The following ACBD6 variants were observed in gnomAD, a reference collection of about 807,000 sequenced individuals.
The protein encoded by ACBD6 is acyl-CoA binding domain containing 6, also known as acyl-CoA-binding domain-containing protein 6.
ACBD6 carries 28 observed loss-of-function variants against 37.2 expected under a neutral mutation model. That is an observed-to-expected ratio of 0.75 (90% CI 0.56 to 1.03). The LOEUF (loss-of-function observed/expected upper bound fraction) is 1.03, where lower values mean the gene tolerates loss of function less well. Ranked by LOEUF, ACBD6 falls within the 50% of genes least tolerant of loss-of-function variation. The pLI, the probability that ACBD6 is intolerant of heterozygous loss-of-function variation, is 0.00. For synonymous variants in ACBD6, 113 were observed against 126.8 expected, an observed-to-expected ratio of 0.89 and a Z score of 0.73; for missense variants, 340 against 337.4, an observed-to-expected ratio of 1.01 and a Z score of -0.06.
At chr1:180,404,259 G>C (rs1280348596) in intron 5 of ACBD6, among the ~76,000 whole-genome samples, 2 of 151,984 alleles carry the variant, frequency 1.3e-5, no homozygotes, top group African/African-American at 4.8e-5. Context: ...TTGGTACAGA[G>C]TTTCAATTGG....
At chr1:180,339,631 T>A (rs1651897000) in intron 6 of ACBD6, among the ~76,000 whole-genome samples, 2 of 151,970 alleles carry the variant, frequency 1.3e-5, no homozygotes, top group Admixed American at 1.3e-4. Flanking sequence ...TGTATATATA[T>A]GTGACAAACC....
chr1:180,405,160 A>C (rs1013995824), intron 5 of ACBD6, among the ~76,000 whole-genome samples: 1 of 152,100 alleles, frequency 6.6e-6, no homozygotes, highest in Non-Finnish European at 1.5e-5. Context: ...TAACTGCATA[A>C]ATTTAGTCTC....
intron 3 of ACBD6, among the ~76,000 whole-genome samples, chr1:180,451,707 G>A (rs12407122): frequency 0.13 from 19,419 of 152,188 alleles, 1,798 homozygotes; most frequent in East Asian, 0.36. Context: ...GGTTGCTTAG[G>A]GCTGAGGGAA....
At position 180,434,953 on chromosome 1, in the gene ACBD6, T is replaced by C. The variant is rs1202214110; in HGVS notation, c.385-4691A>G. On this transcript the variant is annotated intron_variant, in intron 3 of 7. Coordinates refer to ENST00000367595, the MANE Select transcript of ACBD6 (RefSeq NM_032360.4). The stretch of plus-strand genomic sequence containing the variant: ...GCCAACATTGAGACCACCAAAGTCA[T>C]GGGCAGTCTGTAAACCAAGTACAGA... The C allele has an allele frequency of 7.5e-6, 6 of 798,634 alleles. No individual in the cohort carries two copies. In the Admixed American group the frequency reaches 8.5e-5, roughly 11 times the overall value. The allele number at this position is 798,634 out of a possible 1,614,324, so 49.5% of individuals were successfully genotyped here.
chr1:180,417,196 C>A (rs1397389403), intron 4 of ACBD6, among the ~76,000 whole-genome samples: 1 of 152,180 alleles, frequency 6.6e-6, no homozygotes, highest in East Asian at 1.9e-4. Flanking sequence ...TCCAGCTCTT[C>A]ATCTTCTAGA....
exon 14 of ACBD6, chr1:180,270,514 C>G (rs754594640): frequency 3.3e-5 from 5 of 152,274 alleles, no homozygotes; most frequent in Admixed American, 6.5e-5. Context: ...ACGCGCCTCT[C>G]TCTGTACCTG....
rs10632390 is a variant in ACBD6 at position 180,318,175 on chromosome 1, C to CCCCA, written c.664-3454_664-3453insTGGG. On this transcript the variant is annotated intron_variant, in intron 6 of 7. Coordinates refer to ENST00000367595, the MANE Select transcript of ACBD6 (RefSeq NM_032360.4). The stretch of plus-strand genomic sequence containing the variant: ...AGATTCCATCTCCGCCCCCCCCCCC[C>CCCCA]AAAAAAAAAAGAAAGAAAGAAAAAA... Among the ~76,000 whole-genome samples, 21 of 102,798 alleles carry CCCCA rather than the reference C, an allele frequency of 2.0e-4. 2 individuals are homozygous for CCCCA. Among genetic ancestry groups the CCCCA allele is most frequent in the East Asian group, 1.0e-3 (4 of 3,938 alleles). The allele number at this position is 102,798 out of a possible 152,430, so 67.4% of individuals were successfully genotyped here. A position where few individuals can be genotyped will look rare whatever the true frequency, so the allele number is the denominator to read the frequency against.
At chr1:180,485,002 G>GGGGGTTGCAGTGAGCA (rs931955912) in intron 3 of ACBD6, among the ~76,000 whole-genome samples, 1 of 151,796 alleles carries the variant, frequency 6.6e-6, no homozygotes, top group African/African-American at 2.4e-5. Flanking sequence ...CCCGGAAGGC[G>GGGGGTTGCAGTGAGCA]GGGGTTGCAG....
chr1:180,290,954 C>G (rs1324312333), intron 7 of ACBD6, among the ~76,000 whole-genome samples: 1 of 152,144 alleles, frequency 6.6e-6, no homozygotes, highest in African/African-American at 2.4e-5. Context: ...TGGCAAGCAC[C>G]GATCTGATTT....
At chr1:180,354,202 C>T (rs1056740204) in intron 6 of ACBD6, among the ~76,000 whole-genome samples, 1 of 152,218 alleles carries the variant, frequency 6.6e-6, no homozygotes, top group African/African-American at 2.4e-5. Flanking sequence ...GATTAACAGC[C>T]TAATTCCCAA....
At position 180,388,865 on chromosome 1, in the gene ACBD6, G is replaced by A. The variant is rs762664083; in HGVS notation, c.663+8651C>T. ...AATAAATTTAACAAAAGAAGTGTAA[G>A]ACTTGTACACTGAAAACTATAAAAC... On this transcript the variant is annotated intron_variant, in intron 6 of 7. Transcript: ENST00000367595. 5.3e-5 allele frequency among the ~76,000 whole-genome samples: 8 copies of A among 152,194 alleles called. No homozygotes were observed. The South Asian group carries it at 1.7e-3, about 32-fold the overall frequency.
intron 3 of ACBD6, among the ~76,000 whole-genome samples, chr1:180,489,378 G>T (rs1651400068): frequency 6.6e-6 from 1 of 151,148 alleles, no homozygotes; most frequent in Non-Finnish European, 1.5e-5. Flanking sequence ...CCAGCTCAGT[G>T]TTTAAACTAA....
intron 5 of ACBD6, among the ~76,000 whole-genome samples, chr1:180,399,373 G>A (rs1281236931): frequency 6.6e-6 from 1 of 152,118 alleles, no homozygotes; most frequent in Admixed American, 6.5e-5. Flanking sequence ...GTTTCAAGCA[G>A]TTCTGCCTCA....
At chr1:180,454,490 A>G (rs1649838720) in intron 3 of ACBD6, among the ~76,000 whole-genome samples, 1 of 152,238 alleles carries the variant, frequency 6.6e-6, no homozygotes, top group Non-Finnish European at 1.5e-5. Flanking sequence ...CTAAAACACC[A>G]AAAGCAATGG....
intron 1 of ACBD6, among the ~76,000 whole-genome samples, chr1:180,498,855 CAAAA>C (rs112571743): frequency 8.7e-6 from 1 of 114,636 alleles, no homozygotes; most frequent in Non-Finnish European, 1.9e-5. Flanking sequence ...AAAACTGTCT[CAAAA>C]AAAAAAAAAA....
intron 6 of ACBD6, among the ~76,000 whole-genome samples, chr1:180,373,597 A>G (rs1038146141): frequency 3.3e-5 from 5 of 152,190 alleles, no homozygotes; most frequent in African/African-American, 7.2e-5. Flanking sequence ...ACCAGATTAC[A>G]TACTGGCCAG....
At chr1:180,403,781 C>T (rs946869142) in intron 5 of ACBD6, among the ~76,000 whole-genome samples, 15 of 152,042 alleles carry the variant, frequency 9.9e-5, no homozygotes, top group East Asian at 3.8e-4. Context: ...ACAACATGAA[C>T]GAACCTTGAA....
chr1:180,310,588 C>G (rs1370119373), intron 7 of ACBD6, among the ~76,000 whole-genome samples: 1 of 152,058 alleles, frequency 6.6e-6, no homozygotes, highest in Non-Finnish European at 1.5e-5. Context: ...GCTAATAAAA[C>G]AAGTTGTTGA....
chr1:180,286,489 AAAGT>A (rs757121240), downstream of ACBD6, among the ~76,000 whole-genome samples: 4 of 152,226 alleles, frequency 2.6e-5, no homozygotes, highest in African/African-American at 4.8e-5. Flanking sequence ...AAAAATGCAC[AAAGT>A]AATACCAATT....
Sources: gnomAD v4.1 joint callset for allele counts (sites outside exome capture counted in the v4.1 genomes callset) on GRCh38, gnomAD v4.1.1 for gene constraint, MANE v1.5 for transcripts, NCBI Gene and HGNC (gene_info 2026-07-23, HGNC 2026-07-21) for gene names.